Variants in NR3C2 observed in about 807,000 individuals in gnomAD.
NR3C2 encodes mineralocorticoid receptor.
NR3C2 carries 15 observed loss-of-function variants against 86.4 expected under a neutral mutation model. That is an observed-to-expected ratio of 0.17 (90% confidence interval 0.12 to 0.27). The LOEUF is 0.27. Among genes scored for constraint, NR3C2 ranks in the 10% least tolerant of loss-of-function variants. The pLI is 1.00. For missense variants in NR3C2, 960 were observed against 1,195.6 expected (o/e 0.80, Z 2.91); for synonymous variants, 458 against 450.5 (o/e 1.02, Z -0.21).
intron 3 of NR3C2, among the ~76,000 whole-genome samples, chr4:148,223,610 T>C (rs1418594789): frequency 3.9e-5 from 6 of 152,164 alleles, no homozygotes; most frequent in Non-Finnish European, 4.4e-5. Context: ...AGTAGTAGTA[T>C]GGTTAGTTTA....
chr4:148,429,698 G>A (rs61759963), intron 2 of NR3C2, among the ~76,000 whole-genome samples: 1 of 152,146 alleles, frequency 6.6e-6, no homozygotes, highest in Non-Finnish European at 1.5e-5. Flanking sequence ...TTTAAAACCA[G>A]AGACCCTAAT....
intron 8 of NR3C2, among the ~76,000 whole-genome samples, chr4:148,084,106 T>C (rs545689872): frequency 1.3e-5 from 2 of 152,140 alleles, no homozygotes; most frequent in Non-Finnish European, 2.9e-5. Context: ...CTTCAGGATA[T>C]TATCCAGGAG....
intron 2 of NR3C2, among the ~76,000 whole-genome samples, chr4:148,429,785 T>C (rs1749715923): frequency 6.6e-6 from 1 of 152,230 alleles, no homozygotes; most frequent in South Asian, 2.1e-4. Flanking sequence ...TGGAATGTCA[T>C]CAAAGATATC....
chr4:148,130,793 T>TG (rs1560936799), intron 6 of NR3C2, among the ~76,000 whole-genome samples: 50 of 123,342 alleles, frequency 4.1e-4, no homozygotes, highest in Non-Finnish European at 4.2e-4. Context: ...ACACGTTTTT[T>TG]TTTTTGTTTT....
chr4:148,368,806 G>T (rs533049088), intron 2 of NR3C2, among the ~76,000 whole-genome samples: 3 of 152,096 alleles, frequency 2.0e-5, no homozygotes, highest in Non-Finnish European at 4.4e-5. Context: ...CCCAGAAAGC[G>T]GTTAATCTCA....
rs564296487 is a variant in NR3C2 at position 148,287,340 on chromosome 4, T to C, written c.1758-27223A>G. On this transcript the variant is annotated intron_variant, in intron 2 of 8. Coordinates refer to ENST00000358102, the MANE Select transcript of NR3C2 (RefSeq NM_000901.5). ...TTTGGACACAATGCATTCAGGTTAT[T>C]AGCTTGATGTGCATCATTCAGCAAG... Among the ~76,000 whole-genome samples, 9 of 152,344 alleles carry C rather than the reference T, an allele frequency of 5.9e-5. No individual in the cohort carries two copies. In the South Asian group the frequency reaches 1.4e-3, roughly 25 times the overall value.
chr4:148,256,933 A>G (rs1330142851), intron 3 of NR3C2, among the ~76,000 whole-genome samples: 1 of 152,166 alleles, frequency 6.6e-6, no homozygotes, highest in Non-Finnish European at 1.5e-5. Context: ...TAAAATCATA[A>G]TTTACAGTCT....
At chr4:148,158,393 A>C (rs1734500443) in intron 4 of NR3C2, among the ~76,000 whole-genome samples, 1 of 152,240 alleles carries the variant, frequency 6.6e-6, no homozygotes, top group Admixed American at 6.5e-5. Flanking sequence ...CAACTGATTC[A>C]TTTGAAAAAT....
intron 3 of NR3C2, 106 bp from the exon 4 acceptor site, chr4:148,194,968 C>A: frequency 1.1e-6 from 1 of 873,152 alleles, no homozygotes; most frequent in Non-Finnish European, 1.8e-6. Flanking sequence ...CTTGAAATCT[C>A]TTTCTCAAAA....
At chr4:148,185,259 T>C (rs1042015579) in intron 4 of NR3C2, among the ~76,000 whole-genome samples, 1 of 152,238 alleles carries the variant, frequency 6.6e-6, no homozygotes, top group Non-Finnish European at 1.5e-5. Context: ...GACAGAGCAA[T>C]GGCTCCCACC....
At chr4:148,236,867 A>ATG (rs2149843128) in intron 3 of NR3C2, among the ~76,000 whole-genome samples, 1 of 152,278 alleles carries the variant, frequency 6.6e-6, no homozygotes, top group African/African-American at 2.4e-5. Context: ...CGATGCAAAA[A>ATG]CACTTAAGAT....
At chr4:148,181,296 GA>G (rs1294056619) in intron 4 of NR3C2, among the ~76,000 whole-genome samples, 11 of 152,188 alleles carry the variant, frequency 7.2e-5, no homozygotes, top group African/African-American at 2.7e-4. Context: ...TGTGAAGTGA[GA>G]GGGGTAGTTT....
chr4:148,122,056 C>T (rs1732530302), intron 6 of NR3C2, among the ~76,000 whole-genome samples: 1 of 152,154 alleles, frequency 6.6e-6, no homozygotes, highest in Admixed American at 6.5e-5. Context: ...ACATCCCCAC[C>T]AATGATTGCC....
At chr4:148,086,734 T>C (rs1196738134) in intron 8 of NR3C2, among the ~76,000 whole-genome samples, 1 of 152,160 alleles carries the variant, frequency 6.6e-6, no homozygotes, top group Non-Finnish European at 1.5e-5. Flanking sequence ...AGAGCGAGAC[T>C]GTCTCAAAAA....
intron 2 of NR3C2, among the ~76,000 whole-genome samples, chr4:148,281,565 C>T (rs966672722): frequency 2.6e-5 from 4 of 152,182 alleles, no homozygotes; most frequent in African/African-American, 9.7e-5. Context: ...ATCAGTGTTT[C>T]CTAAGATATA....
At chr4:148,414,884 G>A (rs549246930) in intron 2 of NR3C2, among the ~76,000 whole-genome samples, 2 of 152,292 alleles carry the variant, frequency 1.3e-5, no homozygotes, top group East Asian at 3.9e-4. Flanking sequence ...GAGACTCCAT[G>A]AATATTCAGT....
intron 8 of NR3C2, among the ~76,000 whole-genome samples, chr4:148,089,858 C>T (rs918242161): frequency 4.6e-5 from 7 of 152,346 alleles, no homozygotes; most frequent in South Asian, 2.1e-4. Context: ...CCCACCGCAG[C>T]GCTCGGGACC....
chr4:148,261,400 G>A lies in NR3C2; in HGVS notation c.1758-1283C>T, dbSNP rs541492919. Among the ~76,000 whole-genome samples the A allele has an allele frequency of 4.6e-5, 7 of 151,772 alleles. No homozygotes were observed. The South Asian group carries it at 1.4e-3, about 31-fold the overall frequency. Reference sequence around the variant, plus strand: ...TATGGTCAGTGTATGGTGCGCTATGGTCAGTGCTATGGTGCGCTATGGTAA... The same window carrying A: ...TATGGTCAGTGTATGGTGCGCTATGATCAGTGCTATGGTGCGCTATGGTAA... On this transcript the variant is annotated intron_variant, in intron 2 of 8. Transcript: ENST00000358102.
rs146539670 is a variant in NR3C2 at position 148,419,532 on chromosome 4, T to C, written c.1757+15572A>G. Among the ~76,000 whole-genome samples the C allele has an allele frequency of 1.4e-3, 206 of 152,300 alleles. 1 individual carries two copies. The highest frequency in any genetic ancestry group is 6.7e-3 in the East Asian group (35 of 5,188). ...ATGATATAAAATACTTCTTACGTAC[T>C]CTTAGGTGGATAATGATAATGAGCT... is the stretch of plus-strand genomic sequence containing the variant. On this transcript the variant is annotated intron_variant, in intron 2 of 8. Coordinates refer to ENST00000358102, the MANE Select transcript of NR3C2 (RefSeq NM_000901.5).
Sources: gnomAD v4.1 joint callset for allele counts (sites outside exome capture counted in the v4.1 genomes callset) on GRCh38, gnomAD v4.1.1 for gene constraint, MANE v1.5 for transcripts, NCBI Gene and HGNC (gene_info 2026-07-23, HGNC 2026-07-21) for gene names.